The following ASAP1 variants were observed in gnomAD, a reference collection of about 807,000 sequenced individuals.
ASAP1 encodes arf-GAP with SH3 domain, ANK repeat and PH domain-containing protein 1.
Under a neutral mutation model 145.2 loss-of-function variants are expected in ASAP1, and 43 were observed. That is an observed-to-expected ratio of 0.30 (90% confidence interval 0.23 to 0.38). ASAP1 has a LOEUF of 0.38. Among genes scored for constraint, ASAP1 ranks in the 10% least tolerant of loss-of-function variants. The probability of loss-of-function intolerance (pLI) is 1.00; values close to 1 mark genes in which losing one functional copy is unlikely to be tolerated. For synonymous variants in ASAP1, 546 were observed against 515.5 expected (o/e 1.06, Z -0.80); for missense variants, 1,018 against 1,355.3 (o/e 0.75, Z 3.91).
chr8:130,278,625 T>C (rs772623181), intron 3 of ASAP1, among the ~76,000 whole-genome samples: 39 of 152,220 alleles, frequency 2.6e-4, no homozygotes, highest in Non-Finnish European at 4.9e-4. Context: ...AGTGCAAATA[T>C]TGGACTGGGA....
chr8:130,294,991 C>T (rs984275524), intron 3 of ASAP1, among the ~76,000 whole-genome samples: 1 of 152,144 alleles, frequency 6.6e-6, no homozygotes, highest in Non-Finnish European at 1.5e-5. Flanking sequence ...AGGCTGGGAG[C>T]AGTGGTTCAC....
At chr8:130,421,195 A>T (rs552057972) in intron 1 of ASAP1, among the ~76,000 whole-genome samples, 1 of 152,338 alleles carries the variant, frequency 6.6e-6, no homozygotes, top group South Asian at 2.1e-4. Context: ...GCATAACAAC[A>T]ACAACAAAAA....
intron 2 of ASAP1, among the ~76,000 whole-genome samples, chr8:130,381,444 A>G (rs575789150): frequency 8.1e-6 from 1 of 123,430 alleles, no homozygotes; most frequent in South Asian, 3.9e-4. Context: ...CTTTGAAAAC[A>G]TATATTTTAG....
chr8:130,252,677 T>C (rs1819272027), intron 3 of ASAP1, among the ~76,000 whole-genome samples: 1 of 152,184 alleles, frequency 6.6e-6, no homozygotes, highest in Non-Finnish European at 1.5e-5. Context: ...ATTTCTGTTG[T>C]AGTTTTAAAG....
intron 3 of ASAP1, among the ~76,000 whole-genome samples, chr8:130,284,215 C>T (rs918829988): frequency 6.6e-6 from 1 of 152,120 alleles, no homozygotes; most frequent in Non-Finnish European, 1.5e-5. Flanking sequence ...AAACAAAATT[C>T]TATCCATAAA....
At chr8:130,212,464 C>T (rs77710315) in intron 5 of ASAP1, among the ~76,000 whole-genome samples, 3,551 of 152,124 alleles carry the variant, frequency 0.023, 135 homozygotes, top group African/African-American at 0.081. Flanking sequence ...GTGACAGAGG[C>T]AGGATATTGT....
rs2135633141 is a variant in ASAP1 at position 130,116,716 on chromosome 8, T to C, written c.2026A>G (p.Ile676Val). The change falls in exon 22 of 30, where the codon ATA becomes GTA. Residue 676 changes from isoleucine (I) to valine (V), a missense_variant. Physicochemically the swap from Ile to Val is conservative, Grantham distance 29. Transcript: ENST00000518721. ...TGGGTAGCTTTTAGTCTCTTTGCTA[T>C]GTCTAGGGCAGTTTCTCCAGCCTGG... ...VNQAGETALDIAKRLKATQCE... is the reference protein window; with the variant it reads ...VNQAGETALDVAKRLKATQCE... 13 of 1,614,158 alleles carry C rather than the reference T, an allele frequency of 8.1e-6. No homozygotes were observed. The highest frequency in any genetic ancestry group is 1.1e-5 in the Non-Finnish European group (13 of 1,179,998).
intron 1 of ASAP1, among the ~76,000 whole-genome samples, chr8:130,428,363 C>T (rs1346183253): frequency 2.5e-5 from 1 of 40,414 alleles, no homozygotes; most frequent in Non-Finnish European, 5.5e-5. Flanking sequence ...CAGTCAGACA[C>T]ATGTGGCCAC....
At chr8:130,270,142 C>T (rs1820504247) in intron 3 of ASAP1, among the ~76,000 whole-genome samples, 2 of 152,142 alleles carry the variant, frequency 1.3e-5, no homozygotes, top group African/African-American at 4.8e-5. Flanking sequence ...TGCACTCCAG[C>T]CTGCGTGACA....
At chr8:130,237,178 G>A (rs984850406) in intron 3 of ASAP1, among the ~76,000 whole-genome samples, 184 bp from the exon 4 acceptor site, 7 of 152,054 alleles carry the variant, frequency 4.6e-5, no homozygotes, top group East Asian at 3.9e-4. Flanking sequence ...TATATTTTCC[G>A]GAGAAGTGCA....
At chr8:130,170,080 T>C (rs182066907) in intron 9 of ASAP1, among the ~76,000 whole-genome samples, 1 of 152,296 alleles carries the variant, frequency 6.6e-6, no homozygotes, top group Admixed American at 6.5e-5. Context: ...TTTTGCTGTC[T>C]CCCTACAAAC....
chr8:130,174,531 T>G (rs927619201), intron 9 of ASAP1, among the ~76,000 whole-genome samples: 1 of 152,204 alleles, frequency 6.6e-6, no homozygotes, highest in African/African-American at 2.4e-5. Flanking sequence ...ACACAATTCA[T>G]GGAATCTCTT....
intron 9 of ASAP1, among the ~76,000 whole-genome samples, chr8:130,176,791 A>G (rs1813986384): frequency 6.6e-6 from 1 of 151,798 alleles, no homozygotes; most frequent in Non-Finnish European, 1.5e-5. Context: ...CCTGGATTCA[A>G]GCGATTCTCC....
intron 3 of ASAP1, among the ~76,000 whole-genome samples, chr8:130,314,990 G>A (rs535903111): frequency 2.0e-5 from 3 of 152,246 alleles, no homozygotes; most frequent in South Asian, 2.1e-4. Context: ...TTCGGTTACC[G>A]ATTTGTAAAT....
At chr8:130,360,472 T>C (rs1192596778) in intron 2 of ASAP1, among the ~76,000 whole-genome samples, 1 of 152,190 alleles carries the variant, frequency 6.6e-6, no homozygotes, top group Non-Finnish European at 1.5e-5. Flanking sequence ...CCTCCCTCTA[T>C]TGGCTGTACT....
At chr8:130,406,848 T>C (rs1447781918) in intron 1 of ASAP1, among the ~76,000 whole-genome samples, 2 of 152,160 alleles carry the variant, frequency 1.3e-5, no homozygotes, top group Non-Finnish European at 2.9e-5. Flanking sequence ...AATTAGGGAC[T>C]TAAAAGAAAA....
rs556447019 is a variant in ASAP1, at chr8:130,314,948, T to C, written c.186+43069A>G. ...AAAAAGTGGGTTCCAACCCCAGGTC[T>C]TCCACAAGTTAGCTGGGTGACCTTT... On this transcript the variant is annotated intron_variant, in intron 3 of 29. Transcript: ENST00000518721. 2.0e-5 allele frequency among the ~76,000 whole-genome samples: 3 copies of C among 152,324 alleles called. No homozygotes were observed. The East Asian group carries it at 5.8e-4, about 29-fold the overall frequency.
intron 5 of ASAP1, among the ~76,000 whole-genome samples, chr8:130,206,031 T>C (rs1383244561): frequency 6.6e-6 from 1 of 152,120 alleles, no homozygotes; most frequent in African/African-American, 2.4e-5. Flanking sequence ...AAATTTTCCA[T>C]ATATCTCAAA....
At chr8:130,063,615 T>C (rs556969827) in intron 27 of ASAP1, among the ~76,000 whole-genome samples, 1 of 152,236 alleles carries the variant, frequency 6.6e-6, no homozygotes, top group Non-Finnish European at 1.5e-5. Context: ...CTGCATGACG[T>C]AGCTTCATCT....
Sources: gnomAD v4.1 joint callset for allele counts (sites outside exome capture counted in the v4.1 genomes callset) on GRCh38, gnomAD v4.1.1 for gene constraint, MANE v1.5 for transcripts, NCBI Gene and HGNC (gene_info 2026-07-23, HGNC 2026-07-21) for gene names.